Variants in SBF2 observed in about 807,000 individuals in gnomAD.
SBF2 encodes SET binding factor 2.
A neutral mutation model predicts 225.2 loss-of-function variants in SBF2; 112 were observed. The ratio of observed to expected loss-of-function variants is 0.50; its 90% confidence interval spans 0.43 to 0.58. The LOEUF (loss-of-function observed/expected upper bound fraction) is 0.58. Ranked by LOEUF, SBF2 falls within the 20% of genes least tolerant of loss-of-function variation. The pLI is 0.00. For synonymous variants in SBF2, 763 were observed against 773.3 expected, an observed-to-expected ratio of 0.99 and a Z score of 0.22; for missense variants, 1,996 against 2,206.2, an observed-to-expected ratio of 0.90 and a Z score of 1.91.
At chr11:9,982,534 G>GT (rs563198709) in intron 13 of SBF2, among the ~76,000 whole-genome samples, 1 of 152,282 alleles carries the variant, frequency 6.6e-6, no homozygotes, top group South Asian at 2.1e-4. Context: ...TTATTTAACA[G>GT]TATATTTTTA....
rs1179116352 is a variant in SBF2 at position 10,139,756 on chromosome 11, G to C, written c.141+54146C>G. 2.0e-5 allele frequency among the ~76,000 whole-genome samples: 3 copies of C among 152,240 alleles called. No individual in the cohort carries two copies. In the East Asian group the frequency reaches 5.8e-4, roughly 29 times the overall value. ...TCATTCCAAAAATATGACTAATCTT[G>C]GCCAAGTAAGTTATTGTCCTCATTA... On this transcript the variant is annotated intron_variant, in intron 2 of 39. Coordinates refer to ENST00000256190, the MANE Select transcript of SBF2 (RefSeq NM_030962.4).
intron 38 of SBF2, 141 bp downstream of exon 38, chr11:9,784,209 AG>A: frequency 1.5e-6 from 1 of 682,344 alleles, no homozygotes; most frequent in Non-Finnish European, 2.6e-6. Flanking sequence ...GGGGCCCTTG[AG>A]GAGCCTCCAG....
At chr11:10,210,569 A>G (rs1021964638) in intron 1 of SBF2, among the ~76,000 whole-genome samples, 1 of 152,182 alleles carries the variant, frequency 6.6e-6, no homozygotes, top group Non-Finnish European at 1.5e-5. Flanking sequence ...AAATAGTATT[A>G]GGAGACAACT....
At chr11:10,040,573 TG>T (rs565207553) in intron 3 of SBF2, among the ~76,000 whole-genome samples, 5 of 151,178 alleles carry the variant, frequency 3.3e-5, no homozygotes, top group Admixed American at 2.0e-4. Context: ...AAAAAAGGGA[TG>T]GGGGGGTGCT....
chr11:9,788,843 GATC>G (rs1354029835), intron 35 of SBF2, among the ~76,000 whole-genome samples: 1 of 149,716 alleles, frequency 6.7e-6, no homozygotes, highest in Non-Finnish European at 1.5e-5. Context: ...CTGACCTTGT[GATC>G]TGCCCGCCTC....
intron 1 of SBF2, among the ~76,000 whole-genome samples, chr11:10,220,723 C>G (rs1254396621): frequency 2.0e-5 from 3 of 152,184 alleles, no homozygotes; most frequent in Non-Finnish European, 4.4e-5. Flanking sequence ...CTTGAATCAT[C>G]TGGCTCCAGT....
intron 39 of SBF2, among the ~76,000 whole-genome samples, chr11:9,781,220 A>G (rs1851983449): frequency 6.6e-6 from 1 of 152,270 alleles, no homozygotes; most frequent in South Asian, 2.1e-4. Context: ...GTAGGTGGTG[A>G]CTGAAATAAC....
At chr11:10,266,125 C>T (rs990101555) in intron 1 of SBF2, among the ~76,000 whole-genome samples, 3 of 152,176 alleles carry the variant, frequency 2.0e-5, no homozygotes, top group African/African-American at 4.8e-5. Flanking sequence ...ACTACTCATA[C>T]TTTTATCCCA....
chr11:9,798,494 A>T (rs1853271970), intron 32 of SBF2, among the ~76,000 whole-genome samples: 1 of 152,222 alleles, frequency 6.6e-6, no homozygotes, highest in Non-Finnish European at 1.5e-5. Context: ...CAGTGTGCTC[A>T]GGCAGGGTGA....
At chr11:10,115,701 T>C (rs1326269992) in intron 2 of SBF2, among the ~76,000 whole-genome samples, 1 of 152,208 alleles carries the variant, frequency 6.6e-6, no homozygotes, top group Non-Finnish European at 1.5e-5. Flanking sequence ...CACATAATGC[T>C]ATAGGCATTA....
At chr11:9,934,574 C>T (rs939397501) in intron 16 of SBF2, among the ~76,000 whole-genome samples, 3 of 152,052 alleles carry the variant, frequency 2.0e-5, no homozygotes, top group Non-Finnish European at 2.9e-5. Context: ...AATGGCAAAC[C>T]GAATCCAGCA....
intron 16 of SBF2, among the ~76,000 whole-genome samples, chr11:9,913,254 G>A (rs774319471): frequency 7.9e-5 from 12 of 152,284 alleles, no homozygotes; most frequent in Admixed American, 5.2e-4. Flanking sequence ...CAGCCTGGGC[G>A]ACAGGGCGAG....
intron 2 of SBF2, among the ~76,000 whole-genome samples, chr11:10,045,582 T>C (rs539736188): frequency 4.7e-4 from 72 of 152,358 alleles, no homozygotes; most frequent in African/African-American, 1.6e-3. Context: ...TTGGTGACCA[T>C]TGTTTGTGTC....
intron 1 of SBF2, among the ~76,000 whole-genome samples, chr11:10,200,554 T>A (rs1957535111): frequency 6.6e-6 from 1 of 152,238 alleles, no homozygotes; most frequent in Non-Finnish European, 1.5e-5. Context: ...ACATGTTTAA[T>A]GCTGTTCTGT....
intron 2 of SBF2, among the ~76,000 whole-genome samples, chr11:10,093,662 G>A (rs961066168): frequency 1.1e-4 from 16 of 152,142 alleles, no homozygotes; most frequent in Non-Finnish European, 1.8e-4. Flanking sequence ...ATAGATATGT[G>A]ACTTCTAGTC....
intron 28 of SBF2, among the ~76,000 whole-genome samples, chr11:9,825,075 G>A (rs955055417): frequency 1.3e-5 from 2 of 152,084 alleles, no homozygotes; most frequent in African/African-American, 4.8e-5. Context: ...GTTGAAATGT[G>A]TCCCCCTCCC....
intron 2 of SBF2, among the ~76,000 whole-genome samples, chr11:10,076,328 A>T (rs1223017769): frequency 6.6e-5 from 10 of 152,200 alleles, no homozygotes; most frequent in Admixed American, 5.9e-4. Flanking sequence ...TCTTGATCCA[A>T]CTAAGGGGGC....
In SBF2 at chr11:9,966,650, T is replaced by C; in HGVS notation, c.1600+1691A>G. Among the ~76,000 whole-genome samples the C allele has an allele frequency of 3.9e-5, 6 of 152,206 alleles. No individual in the cohort carries two copies. The South Asian group carries it at 1.2e-3, about 32-fold the overall frequency. ...AATGGGGAAAAATTAGCAAATAATA[T>C]ATCTGGTAGGGGACTTATATATAGA... On this transcript the variant is annotated intron_variant, in intron 14 of 39. Coordinates refer to ENST00000256190, the MANE Select transcript of SBF2 (RefSeq NM_030962.4).
At position 10,143,875 on chromosome 11, in the gene SBF2, G is replaced by A. The variant is rs191071329; in HGVS notation, c.141+50027C>T. Among the ~76,000 whole-genome samples, 907 of 152,066 alleles carry A rather than the reference G, an allele frequency of 6.0e-3. 14 individuals carry two copies. The highest frequency in any genetic ancestry group is 0.02 in the African/African-American group (825 of 41,510). ...TGGGACTACAGGCACTCGCTACCGCGCCCGGCTAATTTTTTTTGTATTTTT... is the reference window on the plus strand; with the variant it reads ...TGGGACTACAGGCACTCGCTACCGCACCCGGCTAATTTTTTTTGTATTTTT... On this transcript the variant is annotated intron_variant, in intron 2 of 39. Transcript: ENST00000256190.
Sources: gnomAD v4.1 joint callset for allele counts (sites outside exome capture counted in the v4.1 genomes callset) on GRCh38, gnomAD v4.1.1 for gene constraint, MANE v1.5 for transcripts, NCBI Gene and HGNC (gene_info 2026-07-23, HGNC 2026-07-21) for gene names.